Variants in SPATA21 observed in about 807,000 individuals in gnomAD.
The protein encoded by SPATA21 is spermatogenesis-associated protein 21.
A neutral mutation model predicts 54.8 loss-of-function variants in SPATA21; 47 were observed. The observed-to-expected ratio is 0.86, with a 90% CI of 0.68 to 1.09. The LOEUF (loss-of-function observed/expected upper bound fraction) is 1.09. SPATA21 is among the 50% of genes least tolerant of loss of function. The probability of loss-of-function intolerance (pLI) is 0.00; values close to 1 mark genes in which losing one functional copy is unlikely to be tolerated. For synonymous variants in SPATA21, 245 were observed against 235.3 expected, an observed-to-expected ratio of 1.04 and a Z score of -0.38; for missense variants, 599 against 596.4, an observed-to-expected ratio of 1.00 and a Z score of -0.05.
At chr1:16,433,393 A>G (rs916907232) in intron 1 of SPATA21, among the ~76,000 whole-genome samples, 15 of 152,244 alleles carry the variant, frequency 9.9e-5, no homozygotes, top group Non-Finnish European at 1.8e-4. Context: ...CGGAAAAGTC[A>G]GGGCTGTGGC....
chr1:16,395,868 C>T (rs1404241336), downstream of SPATA21: 1 of 152,854 alleles, frequency 6.5e-6, no homozygotes, highest in Non-Finnish European at 1.5e-5. Context: ...CATGCCTATA[C>T]CTCCCTCCCC....
chr1:16,413,026 C>T (rs11260750), intron 5 of SPATA21, among the ~76,000 whole-genome samples: 38,526 of 152,072 alleles, frequency 0.25, 5,720 homozygotes, highest in East Asian at 0.74. Context: ...TCTTGATCCG[C>T]CCGCCTTGGC....
At chr1:16,405,215 A>G (rs1363981087) in intron 7 of SPATA21, 111 bp from the exon 8 acceptor site, 2 of 1,454,362 alleles carry the variant, frequency 1.4e-6, no homozygotes, top group Middle Eastern at 2.2e-4. Context: ...AAGTGAAAAT[A>G]AAATTGCTGG....
chr1:16,403,483 CTTTTTTTTCTT>C (rs1006367826), intron 10 of SPATA21, among the ~76,000 whole-genome samples: 3 of 117,118 alleles, frequency 2.6e-5, no homozygotes, highest in Admixed American at 8.9e-5. Flanking sequence ...TAGTTTTTTT[CTTTTTTTTCTT>C]TTTTTTTTTT....
At chr1:16,420,446 G>T (rs987852753) in intron 5 of SPATA21, among the ~76,000 whole-genome samples, 32 of 151,884 alleles carry the variant, frequency 2.1e-4, no homozygotes. Context: ...GAACCCGGGA[G>T]GTGGAGGTTG....
Position 16,399,426 on chromosome 1 carries a change from A to C in SPATA21, c.1270T>G (p.Tyr424Asp), listed in dbSNP as rs772998969. The C allele has an allele frequency of 6.8e-6, 11 of 1,613,406 alleles. No individual in the cohort carries two copies. Among genetic ancestry groups the C allele is most frequent in the Non-Finnish European group, 9.3e-6 (11 of 1,180,028 alleles). ...KMVRRQPSNH[Y>D]ALDQCTPPGL... ...GGGGGTGTGCACTGGTCTAGTGCAT[A>C]GTGGTTGCTCGGCTGCCTACGGACC... Residue 424 changes from tyrosine (Y) to aspartate (D), a missense_variant, in exon 12 of 13, where the codon TAT becomes GAT. Physicochemically the swap from Tyr to Asp is radical, Grantham distance 160. Coordinates refer to ENST00000335496, the MANE Select transcript of SPATA21 (RefSeq NM_198546.1).
rs762797860 is a variant in SPATA21 at position 16,421,578 on chromosome 1, C to T, written c.96-21G>A. ...CACCCCTGAATAGAAGAGAAACCCC[C>T]AGGTGGGGGAAGCGCTCAGCTGAAG... On this transcript the variant is annotated intron_variant, in intron 4 of 12. Transcript: ENST00000335496. This position sits in a 1 kb window ranked among gnomAD's most constrained non-coding sequence, Gnocchi z 5.2. The T allele has an allele frequency of 7.4e-6, 12 of 1,610,848 alleles. No homozygotes were observed. In the African/African-American group the frequency reaches 1.5e-4, roughly 20 times the overall value.
chr1:16,432,114 C>CTTTTT (rs35240103), intron 2 of SPATA21, among the ~76,000 whole-genome samples: 27 of 133,098 alleles, frequency 2.0e-4, no homozygotes, highest in Non-Finnish European at 2.7e-4. Flanking sequence ...TCTTCTTCTT[C>CTTTTT]TTTTTTTTTT....
chr1:16,403,813 G>A lies in SPATA21; in HGVS notation c.915C>T (p.His305=), dbSNP rs41269193. The change falls in exon 10 of 13, where the codon CAC becomes CAT. Residue 305 remains histidine, a synonymous_variant. Transcript: ENST00000335496. The stretch of plus-strand genomic sequence containing the variant: ...TCTCAAAGAGTAGAGTGTGGGGGTT[G>A]TGGGGAGCCATGTCCGACAGGGCGT... ...EQNALSDMAP[H]NPHTLLFEIL... 1.9e-6 allele frequency: 3 copies of A among 1,611,382 alleles called. No individual in the cohort carries two copies. In the South Asian group the frequency reaches 3.3e-5, roughly 18 times the overall value.
chr1:16,423,628 C>T (rs2086236449), intron 3 of SPATA21, among the ~76,000 whole-genome samples: 1 of 146,030 alleles, frequency 6.8e-6, no homozygotes, highest in African/African-American at 2.5e-5. Context: ...ACTGCAACCT[C>T]CGCCTCCCAG....
At chr1:16,436,019 G>A (rs2086577268) in intron 1 of SPATA21, among the ~76,000 whole-genome samples, 2 of 152,100 alleles carry the variant, frequency 1.3e-5, no homozygotes, top group Non-Finnish European at 2.9e-5. Flanking sequence ...CTGGGAGGCT[G>A]AGGCGGGCGG....
chr1:16,420,526 G>C (rs531319310), intron 5 of SPATA21, among the ~76,000 whole-genome samples: 25 of 152,028 alleles, frequency 1.6e-4, no homozygotes, highest in South Asian at 6.2e-4. Context: ...AAAAAGGAAA[G>C]AAAGAAAGAA....
In SPATA21 at chr1:16,403,846, T is replaced by G; in HGVS notation, c.884-2A>C. The G allele has an allele frequency of 6.2e-7, 1 of 1,609,876 alleles. No individual in the cohort carries two copies. Among genetic ancestry groups the G allele is most frequent in the Non-Finnish European group, 8.5e-7 (1 of 1,177,548 alleles). ...CCATGTCCGACAGGGCGTTCTGTTCTGGAGACATGGGATAGTGGCTGCCGT... is the reference window on the plus strand; with the variant it reads ...CCATGTCCGACAGGGCGTTCTGTTCGGGAGACATGGGATAGTGGCTGCCGT... On this transcript the variant is annotated splice_acceptor_variant, in intron 9 of 12. Coordinates refer to ENST00000335496, the MANE Select transcript of SPATA21 (RefSeq NM_198546.1). LOFTEE classifies it high-confidence loss of function.
intron 5 of SPATA21, among the ~76,000 whole-genome samples, chr1:16,413,725 G>A (rs1465696790): frequency 1.3e-5 from 2 of 152,094 alleles, no homozygotes; most frequent in African/African-American, 4.8e-5. Flanking sequence ...CGATTCTCCT[G>A]CCTCAGCCTC....
In SPATA21 at chr1:16,409,439, G is replaced by A. The variant is rs568335275; in HGVS notation, c.587+162C>T. ...AAAGGGGTCAGAAGTGGGAGAGGAGGCAGAGACATGGGAGATGCGGAGAGG... is the reference window on the plus strand; with the variant it reads ...AAAGGGGTCAGAAGTGGGAGAGGAGACAGAGACATGGGAGATGCGGAGAGG... On this transcript the variant is annotated intron_variant, in intron 6 of 12. Coordinates refer to ENST00000335496, the MANE Select transcript of SPATA21 (RefSeq NM_198546.1). This position sits in a 1 kb window ranked among gnomAD's most constrained non-coding sequence, Gnocchi z 4.1. 2.2e-4 allele frequency among the ~76,000 whole-genome samples: 34 copies of A among 152,324 alleles called. No individual in the cohort carries two copies. Among genetic ancestry groups the A allele is most frequent in the Non-Finnish European group, 3.7e-4 (25 of 68,030 alleles).
Position 16,421,576 on chromosome 1 carries a change from C to A in SPATA21, c.96-19G>T. ...CTCACCCCTGAATAGAAGAGAAACC[C>A]CCAGGTGGGGGAAGCGCTCAGCTGA... is the stretch of plus-strand genomic sequence containing the variant. On this transcript the variant is annotated intron_variant, in intron 4 of 12. Coordinates refer to ENST00000335496, the MANE Select transcript of SPATA21 (RefSeq NM_198546.1). This position sits in a 1 kb window ranked among gnomAD's most constrained non-coding sequence, Gnocchi z 5.2. The A allele has an allele frequency of 2.5e-6, 4 of 1,611,356 alleles. No homozygotes were observed. Among genetic ancestry groups the A allele is most frequent in the Non-Finnish European group, 3.4e-6 (4 of 1,179,038 alleles).
intron 3 of SPATA21, among the ~76,000 whole-genome samples, chr1:16,430,954 GC>G (rs2086442697): frequency 1.3e-5 from 2 of 152,232 alleles, no homozygotes; most frequent in African/African-American, 4.8e-5. Context: ...GGCAATCCCT[GC>G]CATCTTGCAG....
At chr1:16,415,058 C>T (rs991951450) in intron 5 of SPATA21, among the ~76,000 whole-genome samples, 4 of 152,038 alleles carry the variant, frequency 2.6e-5, no homozygotes, top group African/African-American at 9.7e-5. Flanking sequence ...AGTTCTGGGC[C>T]AGGCGCAGTG....
rs1557672442 is a variant in SPATA21, at chr1:16,428,568, TA to T, written c.34+2769del. Among the ~76,000 whole-genome samples the T allele has an allele frequency of 6.6e-6, 1 of 151,528 alleles. No homozygotes were observed. The highest frequency in any genetic ancestry group is 1.5e-5 in the Non-Finnish European group (1 of 67,942). The stretch of plus-strand genomic sequence containing the variant: ...CCATGCCCAACTAATTTTTTTTTTT[TA>T]TTTTTTTTGTAGGCCAGGCTGGTCT... On this transcript the variant is annotated intron_variant, in intron 3 of 12. Coordinates refer to ENST00000335496, the MANE Select transcript of SPATA21 (RefSeq NM_198546.1). This position sits in a 1 kb window ranked among gnomAD's most constrained non-coding sequence, Gnocchi z 4.3.
Sources: allele counts gnomAD v4.1 joint callset (sites outside exome capture counted in the v4.1 genomes callset), GRCh38; gene constraint gnomAD v4.1.1; non-coding constraint Gnocchi (gnomAD v3.1); transcripts MANE v1.5; gene names NCBI Gene and HGNC (gene_info 2026-07-23, HGNC 2026-07-21).